Variants in TLN2 observed in about 807,000 individuals in gnomAD.
The protein encoded by TLN2 is talin 2.
In TLN2, 118 loss-of-function variants were observed where a neutral mutation model predicts 294.7. That is an observed-to-expected ratio of 0.40 (90% CI 0.34 to 0.47). The LOEUF (loss-of-function observed/expected upper bound fraction) is 0.47, where lower values mean the gene tolerates loss of function less well. TLN2 is among the 20% of genes least tolerant of loss of function. The pLI is 0.84. For missense variants in TLN2, 3,083 were observed against 3,282.2 expected, an observed-to-expected ratio of 0.94 and a Z score of 1.48; for synonymous variants, 1,431 against 1,304.5, an observed-to-expected ratio of 1.10 and a Z score of -2.09.
intron 1 of TLN2, among the ~76,000 whole-genome samples, chr15:62,461,265 TAATGTA>T (rs1365647150): frequency 6.6e-6 from 1 of 152,160 alleles, no homozygotes; most frequent in Non-Finnish European, 1.5e-5. Context: ...TTTTTGAACT[TAATGTA>T]AATGGACCTG....
chr15:62,573,110 G>C (rs1053665792), intron 1 of TLN2, among the ~76,000 whole-genome samples: 1 of 152,128 alleles, frequency 6.6e-6, no homozygotes, highest in Non-Finnish European at 1.5e-5. Flanking sequence ...ATCAGCATCC[G>C]GTGTTTATAA....
chr15:62,839,140 CCTTT>C (rs2070256752), intron 58 of TLN2, among the ~76,000 whole-genome samples, 159 bp downstream of exon 58: 2 of 152,208 alleles, frequency 1.3e-5, no homozygotes, highest in African/African-American at 4.8e-5. Flanking sequence ...GATCCATCTG[CCTTT>C]CTATTTCACC....
intron 25 of TLN2, among the ~76,000 whole-genome samples, chr15:62,721,765 A>G (rs1034971337): frequency 2.0e-5 from 3 of 152,198 alleles, no homozygotes; most frequent in African/African-American, 7.2e-5. Context: ...AACAATAGAG[A>G]ATTGAGAAAT....
In TLN2 at chr15:62,797,198, CT is replaced by C. The variant is rs751070314; in HGVS notation, c.6051-20del. 233 of 1,613,950 alleles carry C rather than the reference CT, an allele frequency of 1.4e-4. 1 individual carries two copies. The African/African-American group carries it at 2.6e-3, about 18-fold the overall frequency. On this transcript the variant is annotated intron_variant, in intron 47 of 58. Coordinates refer to ENST00000636159, the MANE Select transcript of TLN2 (RefSeq NM_015059.3). ...TGCCCTCTGTCTCTCCCCCTCTCCC[CT>C]GCCCTCCTGGCTCTCTCAGGGAGAA...
chr15:62,447,854 C>A (rs377556168), intron 1 of TLN2, among the ~76,000 whole-genome samples: 4 of 152,324 alleles, frequency 2.6e-5, no homozygotes, highest in Admixed American at 2.6e-4. Context: ...CACTCTTGTG[C>A]ATTTCTGGTT....
intron 1 of TLN2, among the ~76,000 whole-genome samples, chr15:62,523,407 G>A (rs373384718): frequency 3.1e-4 from 47 of 152,288 alleles, no homozygotes; most frequent in African/African-American, 1.0e-3. Context: ...AAGAGAAGGG[G>A]GTCAGAGGGC....
chr15:62,537,439 C>T (rs2041425864), intron 1 of TLN2, among the ~76,000 whole-genome samples: 1 of 152,134 alleles, frequency 6.6e-6, no homozygotes, highest in South Asian at 2.1e-4. Context: ...GTACTTAGTC[C>T]AGAAGCCAAA....
At chr15:62,547,268 A>G (rs1025948587) in intron 1 of TLN2, among the ~76,000 whole-genome samples, 14 of 152,230 alleles carry the variant, frequency 9.2e-5, no homozygotes, top group Non-Finnish European at 1.9e-4. Context: ...GGATGTCAAA[A>G]TCCTTGTGCA....
intron 54 of TLN2, 45 bp from the exon 55 acceptor site, chr15:62,833,459 T>C (rs1231542854): frequency 1.3e-5 from 21 of 1,600,342 alleles, no homozygotes; most frequent in Non-Finnish European, 1.8e-5. Context: ...AAAGAGCCCT[T>C]TGTGGATATG....
At chr15:62,440,717 T>C (rs1210995608) in intron 1 of TLN2, among the ~76,000 whole-genome samples, 1 of 152,222 alleles carries the variant, frequency 6.6e-6, no homozygotes, top group Non-Finnish European at 1.5e-5. Flanking sequence ...TACTTAGGAT[T>C]GATACCTCCC....
At chr15:62,661,834 A>C (rs1409674391) in intron 9 of TLN2, among the ~76,000 whole-genome samples, 1 of 152,192 alleles carries the variant, frequency 6.6e-6, no homozygotes, top group East Asian at 1.9e-4. Context: ...TGTTACACAA[A>C]ATAGACTGTA....
chr15:62,673,072 T>TTGTGTGTGTGTGTGTGTG (rs60589441), intron 9 of TLN2, among the ~76,000 whole-genome samples: 11,995 of 144,706 alleles, frequency 0.083, 617 homozygotes, highest in Admixed American at 0.13. Flanking sequence ...CCTAATTTAA[T>TTGTGTGTGTGTGTGTGTG]TGTGTGTGTG....
intron 23 of TLN2, 101 bp from the exon 24 acceptor site, chr15:62,717,475 T>C: frequency 1.4e-6 from 1 of 715,276 alleles, no homozygotes; most frequent in Non-Finnish European, 2.1e-6. Flanking sequence ...GGAGTTCTTT[T>C]AGAGCCACAA....
At position 62,836,372 on chromosome 15, in the gene TLN2, A is replaced by T. The variant is rs192132456; in HGVS notation, c.7374+299A>T. The stretch of plus-strand genomic sequence containing the variant: ...ATCTGGGAAGCCCTCCCTGACTCCC[A>T]GGGTTTGGGCAGTTTATCCCTCCTC... On this transcript the variant is annotated intron_variant, in intron 57 of 58. Coordinates refer to ENST00000636159, the MANE Select transcript of TLN2 (RefSeq NM_015059.3). Among the ~76,000 whole-genome samples the T allele has an allele frequency of 3.3e-5, 5 of 152,310 alleles. No homozygotes were observed. In the East Asian group the frequency reaches 9.7e-4, roughly 29 times the overall value.
intron 1 of TLN2, among the ~76,000 whole-genome samples, chr15:62,564,395 G>T (rs1015146615): frequency 1.3e-5 from 2 of 152,186 alleles, no homozygotes; most frequent in African/African-American, 4.8e-5. Context: ...CCCTGGTAGA[G>T]CTGACCTTTT....
chr15:62,586,424 C>A (rs919538175), intron 1 of TLN2, among the ~76,000 whole-genome samples: 1 of 152,120 alleles, frequency 6.6e-6, no homozygotes, highest in Non-Finnish European at 1.5e-5. Context: ...TCCAACATAT[C>A]TATAAAAAGA....
intron 29 of TLN2, 88 bp downstream of exon 29, chr15:62,737,174 A>G: frequency 7.4e-7 from 1 of 1,343,852 alleles, no homozygotes; most frequent in Non-Finnish European, 1.0e-6. Flanking sequence ...CTTTTCCCTG[A>G]TATGAACACT....
intron 2 of TLN2, among the ~76,000 whole-genome samples, chr15:62,608,112 T>A (rs542403573): frequency 4.1e-5 from 6 of 147,298 alleles, no homozygotes; most frequent in South Asian, 2.3e-4. Context: ...ACCCCACCCC[T>A]GCATCTAATT....
intron 1 of TLN2, among the ~76,000 whole-genome samples, chr15:62,502,510 TG>T (rs61134622): frequency 1 from 152,245 of 152,246 alleles, 76,122 homozygotes; most frequent in Middle Eastern, 1. Flanking sequence ...GCTGCAGGCA[TG>T]GGGGTTTATT....
Sources: gnomAD v4.1 joint callset for allele counts (sites outside exome capture counted in the v4.1 genomes callset) on GRCh38, gnomAD v4.1.1 for gene constraint, MANE v1.5 for transcripts, NCBI Gene and HGNC (gene_info 2026-07-23, HGNC 2026-07-21) for gene names.